TXNRD1: variants seen among roughly 807,000 people sequenced by gnomAD.
TXNRD1 encodes the protein thioredoxin reductase 1, also known as thioredoxin reductase 1, cytoplasmic.
TXNRD1 carries 57 observed loss-of-function variants against 80.3 expected under a neutral mutation model. The observed-to-expected ratio is 0.71, with a 90% confidence interval of 0.57 to 0.89. The LOEUF (loss-of-function observed/expected upper bound fraction) is 0.89. Ranked by LOEUF, TXNRD1 falls within the 40% of genes least tolerant of loss-of-function variation. TXNRD1 has a pLI of 0.00. For synonymous variants in TXNRD1, 291 were observed against 285.2 expected (o/e 1.02, Z -0.20); for missense variants, 730 against 803.0 (o/e 0.91, Z 1.10).
intron 1 of TXNRD1, among the ~76,000 whole-genome samples, chr12:104,227,831 T>C (rs1452762058): frequency 6.6e-6 from 1 of 152,224 alleles, no homozygotes; most frequent in East Asian, 1.9e-4. Context: ...ACTTTTGAGA[T>C]TCATCTAATT....
At chr12:104,277,646 G>A (rs2033783365) in intron 3 of TXNRD1, among the ~76,000 whole-genome samples, 1 of 151,966 alleles carries the variant, frequency 6.6e-6, no homozygotes, top group Non-Finnish European at 1.5e-5. Flanking sequence ...GAGTTTTCAG[G>A]GTGGATGATT....
At chr12:104,268,917 C>CT (rs34134230) in intron 3 of TXNRD1, among the ~76,000 whole-genome samples, 32,069 of 127,806 alleles carry the variant, frequency 0.25, 4,502 homozygotes, top group Non-Finnish European at 0.31. Flanking sequence ...GTTGTCATTT[C>CT]TTTTTTTTTT....
At position 104,344,666 on chromosome 12, in the gene TXNRD1, G is replaced by T. The variant is rs74920647; in HGVS notation, c.1882-3687G>T. The stretch of plus-strand genomic sequence containing the variant: ...ACTGTAGTTATCCTAAGGTGCTATA[G>T]AACATATTCCTCCTATCTAGCTGTA... On this transcript the variant is annotated intron_variant, in intron 16 of 16. Coordinates refer to ENST00000525566, the MANE Select transcript of TXNRD1 (RefSeq NM_001093771.3). Among the ~76,000 whole-genome samples, 968 of 152,210 alleles carry T rather than the reference G, an allele frequency of 6.4e-3. 9 individuals carry two copies. Among genetic ancestry groups the T allele is most frequent in the African/African-American group, 0.022 (917 of 41,530 alleles).
intron 13 of TXNRD1, among the ~76,000 whole-genome samples, 198 bp downstream of exon 13, chr12:104,327,869 A>T (rs2035819364): frequency 6.6e-6 from 1 of 151,258 alleles, no homozygotes; most frequent in African/African-American, 2.4e-5. Context: ...TATTATGAAG[A>T]TCGACACTCC....
At chr12:104,255,495 ATG>A (rs2033228384) in intron 2 of TXNRD1, among the ~76,000 whole-genome samples, 1 of 152,134 alleles carries the variant, frequency 6.6e-6, no homozygotes, top group Admixed American at 6.5e-5. Flanking sequence ...AGTTATTTGC[ATG>A]CTTATTTAAA....
chr12:104,335,200 CTTTTTTT>C (rs61316589), intron 15 of TXNRD1, among the ~76,000 whole-genome samples: 2 of 123,850 alleles, frequency 1.6e-5, no homozygotes, highest in Admixed American at 8.2e-5. Flanking sequence ...TATTACAGTC[CTTTTTTT>C]TTTTTTTTTT....
intron 10 of TXNRD1, among the ~76,000 whole-genome samples, chr12:104,322,700 G>A (rs1389656359): frequency 6.6e-6 from 1 of 152,020 alleles, no homozygotes; most frequent in Non-Finnish European, 1.5e-5. Context: ...TTTTAGAGTA[G>A]AGGTATATAT....
At chr12:104,286,753 A>G in intron 3 of TXNRD1, 1 of 1,021,540 alleles carries the variant, frequency 9.8e-7, no homozygotes, top group Non-Finnish European at 1.2e-6. Context: ...TAATTTCTTC[A>G]GTAAAAACAC....
intron 3 of TXNRD1, among the ~76,000 whole-genome samples, chr12:104,277,657 C>G (rs2033783730): frequency 6.6e-6 from 1 of 151,900 alleles, no homozygotes. Context: ...GTGGATGATT[C>G]ATGGATGATT....
At chr12:104,270,263 G>A (rs900891776) in intron 3 of TXNRD1, among the ~76,000 whole-genome samples, 2 of 152,156 alleles carry the variant, frequency 1.3e-5, no homozygotes. Context: ...ACTGTCTATG[G>A]CAGCTATAGC....
intron 1 of TXNRD1, among the ~76,000 whole-genome samples, chr12:104,231,084 G>A (rs971656656): frequency 4.6e-5 from 7 of 152,032 alleles, no homozygotes; most frequent in South Asian, 4.1e-4. Context: ...CTAAGAGCCC[G>A]GTCTTCCCTG....
At chr12:104,319,310 T>C (rs2035447705) in intron 8 of TXNRD1, among the ~76,000 whole-genome samples, 160 bp from the exon 9 acceptor site, 1 of 152,162 alleles carries the variant, frequency 6.6e-6, no homozygotes, top group South Asian at 2.1e-4. Context: ...TTTGAGTAAG[T>C]CTGTTAACTA....
chr12:104,264,208 G>T (rs929704688), intron 3 of TXNRD1, among the ~76,000 whole-genome samples: 1 of 152,192 alleles, frequency 6.6e-6, no homozygotes, highest in Non-Finnish European at 1.5e-5. Flanking sequence ...CATTTTACTT[G>T]TTTGCCTCTG....
rs2034077228 is a variant in TXNRD1, at chr12:104,288,944, C to T, written c.318C>T (p.Ala106=). The T allele has an allele frequency of 5.0e-6, 8 of 1,613,926 alleles. 1 individual carries two copies. The South Asian group carries it at 7.7e-5, about 16-fold the overall frequency. The change falls in exon 4 of 17, where the codon GCC becomes GCT. Residue 106 remains alanine, a synonymous_variant. Coordinates refer to ENST00000525566, the MANE Select transcript of TXNRD1 (RefSeq NM_001093771.3). ...TGTGCCACACAGAGGACGGTCGGGC[C>T]CTGGAAGGAACGCTCTCGGAATTGG... ...LELDQTEDGR[A]LEGTLSELAA...
In TXNRD1 at chr12:104,349,991, G is replaced by A. The variant is rs972634199; in HGVS notation, c.*1570G>A. 1 of 152,238 alleles carries A rather than the reference G, an allele frequency of 6.6e-6. No individual in the cohort carries two copies. The highest frequency in any genetic ancestry group is 6.5e-5 in the Admixed American group (1 of 15,278). 9.4% of individuals were successfully genotyped at this position (152,238 alleles called of 1,614,324 possible). ...CAATTGAGGCAGTTGACCATATTCA[G>A]TTTTATTTATTTATTTTTAATTTGT... On this transcript the variant is annotated 3_prime_UTR_variant, in exon 17 of 17. Coordinates refer to ENST00000525566, the MANE Select transcript of TXNRD1 (RefSeq NM_001093771.3).
chr12:104,267,699 T>TTCTCTCTCTCTC (rs1555209250), intron 3 of TXNRD1, among the ~76,000 whole-genome samples: 4 of 46,416 alleles, frequency 8.6e-5, no homozygotes, highest in African/African-American at 2.9e-4. Context: ...CTTTCTTTCT[T>TTCTCTCTCTCTC]TCTCTCTTTC....
intron 4 of TXNRD1, chr12:104,303,759 C>T (rs1005205956): frequency 3.5e-6 from 4 of 1,128,396 alleles, no homozygotes; most frequent in African/African-American, 3.2e-5. Context: ...GTCCTCGGCT[C>T]TAACTGCCGC....
chr12:104,326,302 A>G (rs1270190107), intron 11 of TXNRD1, 45 bp from the exon 12 acceptor site: 11 of 1,336,100 alleles, frequency 8.2e-6, no homozygotes, highest in Non-Finnish European at 1.0e-5. Context: ...TAATAAATGC[A>G]AAGCCTTTTT....
At chr12:104,316,151 G>A (rs1381806396) in intron 7 of TXNRD1, among the ~76,000 whole-genome samples, 2 of 152,104 alleles carry the variant, frequency 1.3e-5, no homozygotes, top group African/African-American at 4.8e-5. Flanking sequence ...ATATTGTCAT[G>A]TAGTATTTGT....
Sources: allele counts gnomAD v4.1 joint callset (sites outside exome capture counted in the v4.1 genomes callset), GRCh38; gene constraint gnomAD v4.1.1; transcripts MANE v1.5; gene names NCBI Gene and HGNC (gene_info 2026-07-23, HGNC 2026-07-21).